The following NFIB variants were observed in gnomAD, a reference collection of about 807,000 sequenced individuals.
NFIB encodes nuclear factor I B, also known as nuclear factor 1 B-type.
In NFIB, 11 loss-of-function variants were observed where a neutral mutation model predicts 61.5. The observed-to-expected ratio is 0.18, with a 90% CI of 0.11 to 0.30. The LOEUF (loss-of-function observed/expected upper bound fraction) is 0.30, where lower values mean the gene tolerates loss of function less well. Among genes scored for constraint, NFIB ranks in the 10% least tolerant of loss-of-function variants. The pLI is 1.00. For synonymous variants in NFIB, 260 were observed against 216.5 expected (o/e 1.20, Z -1.76); for missense variants, 471 against 608.9 (o/e 0.77, Z 2.38).
intron 10 of NFIB, among the ~76,000 whole-genome samples, chr9:14,112,605 A>T (rs974567618): frequency 6.6e-6 from 1 of 152,228 alleles, no homozygotes; most frequent in African/African-American, 2.4e-5. Flanking sequence ...CATCTGGAAA[A>T]TAAGAAATCA....
At chr9:14,093,079 G>A (rs769741707) in intron 10 of NFIB, among the ~76,000 whole-genome samples, 2 of 151,956 alleles carry the variant, frequency 1.3e-5, no homozygotes, top group Non-Finnish European at 2.9e-5. Context: ...GAACCACAGG[G>A]TGCCACATTA....
At chr9:14,431,245 C>T in the NFIB span, among the ~76,000 whole-genome samples, 1 of 152,172 alleles carries the variant, frequency 6.6e-6, no homozygotes, top group South Asian at 2.1e-4. Context: ...GACACTCAGT[C>T]ACAATAACCT....
the NFIB span, among the ~76,000 whole-genome samples, chr9:14,528,326 T>C: frequency 3.5e-4 from 53 of 152,322 alleles, no homozygotes; most frequent in Non-Finnish European, 1.3e-4. Context: ...GTGAGGGTAC[T>C]TGGTTCACTG....
chr9:14,403,229 G>T (rs1432480087), upstream of NFIB, among the ~76,000 whole-genome samples: 1 of 152,118 alleles, frequency 6.6e-6, no homozygotes, highest in Non-Finnish European at 1.5e-5. Context: ...GATGTAAAAG[G>T]GGTCTGATTC....
intron 1 of NFIB, among the ~76,000 whole-genome samples, chr9:14,336,916 C>T (rs2060892327): frequency 6.6e-6 from 1 of 152,166 alleles, no homozygotes; most frequent in Non-Finnish European, 1.5e-5. Context: ...ATGTTATACA[C>T]AAAGGGGCCA....
chr9:14,418,045 T>C, the NFIB span, among the ~76,000 whole-genome samples: 2 of 152,090 alleles, frequency 1.3e-5, no homozygotes, highest in Non-Finnish European at 2.9e-5. Context: ...TCCCAAAGTG[T>C]TGGGATTACA....
chr9:14,317,680 A>T (rs1183241330), upstream of NFIB, among the ~76,000 whole-genome samples: 2 of 152,180 alleles, frequency 1.3e-5, no homozygotes, highest in African/African-American at 4.8e-5. Flanking sequence ...ACCCCCCAAA[A>T]CACTTCTTCT....
chr9:14,510,412 G>A, the NFIB span, among the ~76,000 whole-genome samples: 1 of 152,150 alleles, frequency 6.6e-6, no homozygotes, highest in Non-Finnish European at 1.5e-5. Context: ...AATTTTCTTT[G>A]ACACTCTTGG....
intron 1 of NFIB, among the ~76,000 whole-genome samples, chr9:14,326,320 T>G (rs900862941): frequency 3.9e-5 from 6 of 152,164 alleles, no homozygotes; most frequent in African/African-American, 1.4e-4. Context: ...AGAATTATAT[T>G]TGTGGAAAAG....
At position 14,106,203 on chromosome 9, in the gene NFIB, T is replaced by C. The variant is rs761185147; in HGVS notation, c.1467+6796A>G. Among the ~76,000 whole-genome samples, 10 of 152,106 alleles carry C rather than the reference T, an allele frequency of 6.6e-5. No individual in the cohort carries two copies. The East Asian group carries it at 7.7e-4, about 12-fold the overall frequency. ...AGTCTGTTAGAATTGTCTGTTTTCATGTGGAGGTGGGGAACAATTCTTATT... is the reference window on the plus strand; with the variant it reads ...AGTCTGTTAGAATTGTCTGTTTTCACGTGGAGGTGGGGAACAATTCTTATT... On this transcript the variant is annotated intron_variant, in intron 10 of 10. Transcript: ENST00000380953.
intron 1 of NFIB, among the ~76,000 whole-genome samples, chr9:14,329,565 A>AG (rs948708570): frequency 1.3e-5 from 2 of 151,784 alleles, no homozygotes; most frequent in African/African-American, 4.8e-5. Flanking sequence ...CCCAGGCTGG[A>AG]GTGCAGTGGC....
the NFIB span, among the ~76,000 whole-genome samples, chr9:14,468,774 T>G: frequency 6.6e-6 from 1 of 152,202 alleles, no homozygotes; most frequent in Non-Finnish European, 1.5e-5. Flanking sequence ...TTTGTTAAAT[T>G]CCAAAACAAT....
At chr9:14,506,611 C>T in the NFIB span, among the ~76,000 whole-genome samples, 1 of 152,088 alleles carries the variant, frequency 6.6e-6, no homozygotes, top group Non-Finnish European at 1.5e-5. Flanking sequence ...GCTGGAAGTA[C>T]CTACATATTG....
At position 14,083,339 on chromosome 9, in the gene NFIB, A is replaced by C. The variant is rs2032324784; in HGVS notation, c.*4970T>G. Reference sequence around the variant, plus strand: ...CCAACTGCAGGGCTCCACTCCACCCACACAATTTTAGGGAATTAGAAAAAA... The same window carrying C: ...CCAACTGCAGGGCTCCACTCCACCCCCACAATTTTAGGGAATTAGAAAAAA... On this transcript the variant is annotated 3_prime_UTR_variant, in exon 11 of 11. Transcript: ENST00000380953. The C allele has an allele frequency of 4.4e-6, 1 of 227,354 alleles. No homozygotes were observed. Among genetic ancestry groups the C allele is most frequent in the Non-Finnish European group, 8.8e-6 (1 of 114,060 alleles). 14.1% of individuals were successfully genotyped at this position (227,354 alleles called of 1,614,324 possible).
At chr9:14,449,208 G>A in the NFIB span, among the ~76,000 whole-genome samples, 30 of 152,286 alleles carry the variant, frequency 2.0e-4, no homozygotes, top group Non-Finnish European at 3.5e-4. Flanking sequence ...GAAGTCAGTC[G>A]TTAGTGTCAG....
chr9:14,528,171 A>G, the NFIB span, among the ~76,000 whole-genome samples: 3 of 152,202 alleles, frequency 2.0e-5, no homozygotes, highest in African/African-American at 7.2e-5. Context: ...AATCTTTTCA[A>G]TGTGGCCTAC....
intron 1 of NFIB, among the ~76,000 whole-genome samples, chr9:14,322,796 T>C (rs1361729176): frequency 1.3e-5 from 2 of 149,626 alleles, no homozygotes; most frequent in Non-Finnish European, 3.0e-5. Flanking sequence ...GGTGGGTGCG[T>C]GGGTAGCGGT....
At chr9:14,095,921 C>T (rs1446071880) in intron 10 of NFIB, among the ~76,000 whole-genome samples, 1 of 152,160 alleles carries the variant, frequency 6.6e-6, no homozygotes, top group African/African-American at 2.4e-5. Flanking sequence ...TAACTTTCTG[C>T]AATTTCAGAA....
chr9:14,485,589 C>T, the NFIB span, among the ~76,000 whole-genome samples: 1 of 152,148 alleles, frequency 6.6e-6, no homozygotes, highest in Non-Finnish European at 1.5e-5. Flanking sequence ...ACAACACAGT[C>T]CCTGCCTGGG....
Sources: gnomAD v4.1 joint callset for allele counts (sites outside exome capture counted in the v4.1 genomes callset) on GRCh38, gnomAD v4.1.1 for gene constraint, MANE v1.5 for transcripts, NCBI Gene and HGNC (gene_info 2026-07-23, HGNC 2026-07-21) for gene names.